The following PCDH15 variants were observed in gnomAD, a reference collection of about 807,000 sequenced individuals.
PCDH15 encodes protocadherin related 15.
A neutral mutation model predicts 178.5 loss-of-function variants in PCDH15; 129 were observed. The observed-to-expected ratio is 0.72, with a 90% CI of 0.63 to 0.84. The LOEUF is 0.84. PCDH15 is among the 40% of genes least tolerant of loss of function. The probability of loss-of-function intolerance (pLI) is 0.00; values close to 1 mark genes in which losing one functional copy is unlikely to be tolerated. For missense variants in PCDH15, 2,230 were observed against 2,099.9 expected (o/e 1.06, Z -1.21); for synonymous variants, 800 against 732.0 (o/e 1.09, Z -1.50).
At chr10:55,425,539 T>C (rs2132050505) in intron 2 of PCDH15, among the ~76,000 whole-genome samples, 1 of 152,258 alleles carries the variant, frequency 6.6e-6, no homozygotes, top group Middle Eastern at 3.4e-3. Flanking sequence ...ATAACAATTT[T>C]CCACAAATTC....
At chr10:54,780,614 G>A (rs1019885126) in intron 1 of PCDH15, among the ~76,000 whole-genome samples, 2 of 151,520 alleles carry the variant, frequency 1.3e-5, no homozygotes, top group African/African-American at 2.4e-5. Context: ...TTTGAGGAAG[G>A]AAAGCTTAGG....
Position 55,219,880 on chromosome 10 carries a change from TCA to T in PCDH15, c.-155-53231_-155-53230del, listed in dbSNP as rs71461286. Among the ~76,000 whole-genome samples the T allele has an allele frequency of 7.4e-3, 1,063 of 143,986 alleles. 15 individuals are homozygous for T. The highest frequency in any genetic ancestry group is 0.021 in the African/African-American group (833 of 38,966). The allele number at this position is 143,986 out of a possible 152,430, so 94.5% of individuals were successfully genotyped here. On this transcript the variant is annotated intron_variant, in intron 1 of 5. Transcript: ENST00000458638. The stretch of plus-strand genomic sequence containing the variant: ...TTAGGCCTAGCGATCCTGATATCAG[TCA>T]CACACACACACACACACACACACAC...
chr10:55,057,562 C>G (rs1201355469), intron 2 of PCDH15, among the ~76,000 whole-genome samples: 3 of 152,174 alleles, frequency 2.0e-5, no homozygotes, highest in African/African-American at 7.2e-5. Context: ...AGCTTGAAGA[C>G]TGGCATACAG....
intron 2 of PCDH15, among the ~76,000 whole-genome samples, chr10:55,462,743 C>T (rs570329070): frequency 6.6e-6 from 1 of 151,960 alleles, no homozygotes; most frequent in Admixed American, 6.6e-5. Flanking sequence ...TATTTTTGTC[C>T]TTTTCCTTAG....
intron 3 of PCDH15, among the ~76,000 whole-genome samples, chr10:54,386,943 T>A (rs1950004176): frequency 6.6e-6 from 1 of 152,182 alleles, no homozygotes; most frequent in Non-Finnish European, 1.5e-5. Context: ...TCCCAGTAAC[T>A]ATAGTTAATA....
intron 2 of PCDH15, among the ~76,000 whole-genome samples, chr10:55,526,386 A>T (rs1337110717): frequency 6.6e-6 from 1 of 152,022 alleles, no homozygotes; most frequent in Non-Finnish European, 1.5e-5. Flanking sequence ...AATATTCTTA[A>T]CATTTTTAGC....
intron 26 of PCDH15, among the ~76,000 whole-genome samples, chr10:53,878,040 C>T (rs912298790): frequency 2.0e-5 from 3 of 151,778 alleles, no homozygotes; most frequent in African/African-American, 7.3e-5. Flanking sequence ...TATTCTACTT[C>T]CCAGAACCAT....
At chr10:54,054,172 T>G (rs1032530464) in intron 18 of PCDH15, among the ~76,000 whole-genome samples, 1 of 152,162 alleles carries the variant, frequency 6.6e-6, no homozygotes, top group Admixed American at 6.5e-5. Context: ...TACAGATATA[T>G]GTCTATTTGA....
At chr10:55,032,503 T>G (rs1840637108) in intron 2 of PCDH15, among the ~76,000 whole-genome samples, 1 of 152,150 alleles carries the variant, frequency 6.6e-6, no homozygotes, top group African/African-American at 2.4e-5. Context: ...ATACCCTGCT[T>G]CTCAAGGTCA....
At chr10:55,192,983 G>A (rs1365278946) in intron 1 of PCDH15, among the ~76,000 whole-genome samples, 1 of 122,370 alleles carries the variant, frequency 8.2e-6, no homozygotes, top group African/African-American at 3.1e-5. Flanking sequence ...CTTTCAAAAT[G>A]GCTTTTTTTT....
At chr10:55,103,518 C>T (rs1034878656) in intron 2 of PCDH15, among the ~76,000 whole-genome samples, 28 of 152,202 alleles carry the variant, frequency 1.8e-4, no homozygotes, top group Non-Finnish European at 4.1e-4. Context: ...TGTTGTAAAT[C>T]CTGTGAAGTC....
At chr10:55,232,616 T>C (rs536452997) in intron 1 of PCDH15, among the ~76,000 whole-genome samples, 1 of 152,198 alleles carries the variant, frequency 6.6e-6, no homozygotes, top group East Asian at 1.9e-4. Context: ...CAATATTAAG[T>C]TGCAGAAAGT....
chr10:54,474,764 A>G (rs2078158535), intron 3 of PCDH15, among the ~76,000 whole-genome samples: 1 of 152,150 alleles, frequency 6.6e-6, no homozygotes, highest in South Asian at 2.1e-4. Context: ...ATCCTGGCAT[A>G]TTTTGCTAAA....
chr10:55,303,318 T>A (rs537042314), intron 1 of PCDH15, among the ~76,000 whole-genome samples: 16 of 152,200 alleles, frequency 1.1e-4, no homozygotes, highest in Non-Finnish European at 2.9e-5. Context: ...GGGCTGTTAG[T>A]AGTCTTGCTT....
At chr10:55,407,221 T>A (rs1838219656) in intron 2 of PCDH15, among the ~76,000 whole-genome samples, 1 of 152,154 alleles carries the variant, frequency 6.6e-6, no homozygotes, top group African/African-American at 2.4e-5. Context: ...GAATACCTCC[T>A]TTTTTAACTT....
At chr10:53,961,615 G>T in intron 22 of PCDH15, 137 bp downstream of exon 22, 1 of 595,710 alleles carries the variant, frequency 1.7e-6, no homozygotes. Flanking sequence ...AAGTTTCTAA[G>T]AGAAAAAAAA....
At chr10:54,290,386 C>G (rs1400054332) in intron 8 of PCDH15, among the ~76,000 whole-genome samples, 2 of 152,170 alleles carry the variant, frequency 1.3e-5, no homozygotes, top group Non-Finnish European at 2.9e-5. Flanking sequence ...ACAAGAGCTT[C>G]TGAAGGAAGC....
chr10:54,680,756 G>C (rs1293998509), intron 1 of PCDH15, among the ~76,000 whole-genome samples: 1 of 152,138 alleles, frequency 6.6e-6, no homozygotes, highest in Non-Finnish European at 1.5e-5. Flanking sequence ...TCACTTTGCT[G>C]CTCCTTCACC....
At chr10:54,991,153 CTTAT>C (rs148005506) in intron 2 of PCDH15, among the ~76,000 whole-genome samples, 2 of 152,208 alleles carry the variant, frequency 1.3e-5, no homozygotes, top group East Asian at 3.9e-4. Flanking sequence ...AGCATGGATA[CTTAT>C]TTGTGAATAT....
Sources: gnomAD v4.1 joint callset for allele counts (sites outside exome capture counted in the v4.1 genomes callset) on GRCh38, gnomAD v4.1.1 for gene constraint, MANE v1.5 for transcripts, NCBI Gene and HGNC (gene_info 2026-07-23, HGNC 2026-07-21) for gene names.